The following CTTN variants were observed in gnomAD, a reference collection of about 807,000 sequenced individuals.
CTTN encodes the protein cortactin.
A neutral mutation model predicts 84.0 loss-of-function variants in CTTN; 28 were observed. The observed-to-expected ratio is 0.33, with a 90% CI of 0.25 to 0.46. The LOEUF is 0.46. Among genes scored for constraint, CTTN ranks in the 20% least tolerant of loss-of-function variants. The pLI is 1.00. For synonymous variants in CTTN, 301 were observed against 288.8 expected (o/e 1.04, Z -0.43); for missense variants, 641 against 723.8 (o/e 0.89, Z 1.31).
chr11:70,407,084 G>C (rs139626428), intron 2 of CTTN, among the ~76,000 whole-genome samples: 1 of 152,082 alleles, frequency 6.6e-6, no homozygotes, highest in Non-Finnish European at 1.5e-5. Context: ...TATTTCTGAC[G>C]TCAGGTGACG....
At chr11:70,421,377 C>T (rs1406389211) in intron 10 of CTTN, 93 bp from the exon 11 acceptor site, 10 of 905,874 alleles carry the variant, frequency 1.1e-5, no homozygotes, top group Admixed American at 3.5e-5. Context: ...TTTCTGGAAA[C>T]TGTGTTTGAT....
Position 70,435,693 on chromosome 11 carries a change from A to G in CTTN, c.*531A>G, listed in dbSNP as rs2058410444. The G allele has an allele frequency of 1.3e-6, 2 of 1,597,684 alleles. No homozygotes were observed. Among genetic ancestry groups the G allele is most frequent in the East Asian group, 2.2e-5 (1 of 44,874 alleles). On this transcript the variant is annotated 3_prime_UTR_variant, in exon 18 of 18. Transcript: ENST00000301843. ...AGTCACCCAGAGCACAGGAGCTGCC[A>G]TGTCAGATGGGAAATCTGCCTATGT...
In CTTN at chr11:70,429,397, G is replaced by A. The variant is rs2058331244; in HGVS notation, c.1176+198G>A. Among the ~76,000 whole-genome samples the A allele has an allele frequency of 3.3e-5, 5 of 152,294 alleles. No homozygotes were observed. In the South Asian group the frequency reaches 8.3e-4, roughly 25 times the overall value. On this transcript the variant is annotated intron_variant, in intron 14 of 17. Coordinates refer to ENST00000301843, the MANE Select transcript of CTTN (RefSeq NM_005231.4). ...CATAGGCTGAGTCTCTGGCCACAATGCTCCAGGCAGCCGGCTAGCGCTATC... is the reference window on the plus strand; with the variant it reads ...CATAGGCTGAGTCTCTGGCCACAATACTCCAGGCAGCCGGCTAGCGCTATC...
In CTTN at chr11:70,435,267, T is replaced by G. The variant is rs1327651801; in HGVS notation, c.*105T>G. On this transcript the variant is annotated 3_prime_UTR_variant, in exon 18 of 18. Coordinates refer to ENST00000301843, the MANE Select transcript of CTTN (RefSeq NM_005231.4). ...GGGTTTTTTCTGTTTTTTTTTTTTT[T>G]TTTTTTTTTTTGAAGGTGGGGAGGG... is the stretch of plus-strand genomic sequence containing the variant. 3.2e-5 allele frequency: 45 copies of G among 1,390,956 alleles called. No homozygotes were observed. In the African/African-American group the frequency reaches 5.9e-4, roughly 18 times the overall value. 86.2% of individuals were successfully genotyped at this position (1,390,956 alleles called of 1,614,324 possible).
intron 5 of CTTN, among the ~76,000 whole-genome samples, chr11:70,413,027 G>A (rs1056594393): frequency 4.6e-5 from 7 of 152,322 alleles, no homozygotes; most frequent in Admixed American, 1.3e-4. Flanking sequence ...ACACGGATGG[G>A]CAGTCTCTGC....
chr11:70,435,679 G>A lies in CTTN; in HGVS notation c.*517G>A, dbSNP rs1948471258. 6.3e-7 allele frequency: 1 copy of A among 1,597,426 alleles called. No individual in the cohort carries two copies. Among genetic ancestry groups the A allele is most frequent in the Non-Finnish European group, 8.5e-7 (1 of 1,179,454 alleles). On this transcript the variant is annotated 3_prime_UTR_variant, in exon 18 of 18. Coordinates refer to ENST00000301843, the MANE Select transcript of CTTN (RefSeq NM_005231.4). ...TTAACCCGGAGCTAAGTCACCCAGA[G>A]CACAGGAGCTGCCATGTCAGATGGG...
At chr11:70,422,821 G>A (rs976492477) in intron 11 of CTTN, 119 bp from the exon 12 acceptor site, 25 of 1,544,290 alleles carry the variant, frequency 1.6e-5, no homozygotes, top group South Asian at 2.4e-5. Context: ...GGCCATTCTC[G>A]TTTCTTCCCG....
intron 15 of CTTN, among the ~76,000 whole-genome samples, chr11:70,431,509 C>T (rs2058353870): frequency 6.6e-6 from 1 of 152,106 alleles, no homozygotes; most frequent in Non-Finnish European, 1.5e-5. Flanking sequence ...TCCTTTCACC[C>T]CTCTGCAGCC....
rs1194823795 is a variant in CTTN, at chr11:70,407,572, G to A, written c.142G>A (p.Gly48Arg). 10 of 1,612,534 alleles carry A rather than the reference G, an allele frequency of 6.2e-6. No homozygotes were observed. Among genetic ancestry groups the A allele is most frequent in the Non-Finnish European group, 5.9e-6 (7 of 1,179,530 alleles). The stretch of plus-strand genomic sequence containing the variant: ...GGGTGCCAAGACGGTGCAGGGCTCC[G>A]GGCACCAGGAGCATATCAAGTAAGA... The part of the protein sequence containing the change: ...RWGAKTVQGS[G>R]HQEHINIHKL... The change falls in exon 4 of 18, where the codon GGG becomes AGG. Residue 48 changes from glycine to arginine, a missense_variant. By Grantham distance (125) the Gly-to-Arg change is moderately radical. This residue lies in a region of CTTN where 284 missense variants were observed against 348.4 expected (regional missense o/e 0.82). Coordinates refer to ENST00000301843, the MANE Select transcript of CTTN (RefSeq NM_005231.4).
chr11:70,401,977 C>A (rs1367096077), intron 1 of CTTN, among the ~76,000 whole-genome samples: 1 of 151,834 alleles, frequency 6.6e-6, no homozygotes, highest in Non-Finnish European at 1.5e-5. Context: ...CATAATGAAA[C>A]CCCATCTCTA....
intron 4 of CTTN, among the ~76,000 whole-genome samples, chr11:70,408,529 C>G (rs2058068070): frequency 6.6e-6 from 1 of 152,096 alleles, no homozygotes; most frequent in African/African-American, 2.4e-5. Flanking sequence ...TCCTGAGTAG[C>G]TGGAACCATG....
chr11:70,410,237 A>C (rs2058083633), intron 5 of CTTN: 3 of 359,840 alleles, frequency 8.3e-6, no homozygotes, highest in Non-Finnish European at 1.6e-5. Context: ...GCCTTGTGAT[A>C]GGACAGAAGT....
rs1417283293 is a variant in CTTN, at chr11:70,405,010, AC to A, written c.-97-254del. 3.9e-5 allele frequency among the ~76,000 whole-genome samples: 6 copies of A among 152,240 alleles called. No individual in the cohort carries two copies. In the East Asian group the frequency reaches 7.7e-4, roughly 20 times the overall value. On this transcript the variant is annotated intron_variant, in intron 1 of 17. Coordinates refer to ENST00000301843, the MANE Select transcript of CTTN (RefSeq NM_005231.4). ...AGAGTGAAACTCCATCTCAAAAAAA[AC>A]AAAACAAAAAAGACAAAAAGTCATC...
intron 2 of CTTN, among the ~76,000 whole-genome samples, chr11:70,406,484 C>G (rs1156288944): frequency 6.7e-6 from 1 of 148,456 alleles, no homozygotes; most frequent in African/African-American, 2.5e-5. Context: ...ATTACTATTT[C>G]TGTGGAAAAG....
Position 70,409,978 on chromosome 11 carries a change from G to C in CTTN, c.291+18G>C. ...TGGATAAGGTAAGTGGCCCGCGGCTGCCTATGCCAGGCTCCTGGTGTGCTT... is the reference window on the plus strand; with the variant it reads ...TGGATAAGGTAAGTGGCCCGCGGCTCCCTATGCCAGGCTCCTGGTGTGCTT... On this transcript the variant is annotated intron_variant, in intron 5 of 17. Coordinates refer to ENST00000301843, the MANE Select transcript of CTTN (RefSeq NM_005231.4). 1 of 1,613,664 alleles carries C rather than the reference G, an allele frequency of 6.2e-7. No homozygotes were observed. Among genetic ancestry groups the C allele is most frequent in the Non-Finnish European group, 8.5e-7 (1 of 1,179,852 alleles).
chr11:70,430,471 T>C (rs2058342731), intron 14 of CTTN, among the ~76,000 whole-genome samples: 5 of 152,202 alleles, frequency 3.3e-5, no homozygotes, highest in Non-Finnish European at 7.3e-5. Context: ...TCTGCTTTTG[T>C]TGTCACCGCC....
Position 70,417,062 on chromosome 11 carries a change from A to G in CTTN, c.507A>G (p.Val169=). The part of the protein sequence containing the change: ...GGKYGVQADR[V]DKSAVGFDYQ... ...AGTATGGCGTGCAGGCCGACCGAGTAGACAAGAGCGCGGTGGGCTTCGACT... is the reference window on the plus strand; with the variant it reads ...AGTATGGCGTGCAGGCCGACCGAGTGGACAAGAGCGCGGTGGGCTTCGACT... Residue 169 remains valine, a synonymous_variant, in exon 8 of 18, where the codon GTA becomes GTG. Transcript: ENST00000301843. 6.2e-7 allele frequency: 1 copy of G among 1,614,214 alleles called. No individual in the cohort carries two copies. Among genetic ancestry groups the G allele is most frequent in the South Asian group, 1.1e-5 (1 of 91,084 alleles).
intron 1 of CTTN, among the ~76,000 whole-genome samples, chr11:70,403,927 C>T (rs1207833489): frequency 6.6e-6 from 1 of 152,134 alleles, no homozygotes; most frequent in Admixed American, 6.5e-5. Context: ...GTCTCCCAGG[C>T]TGGGGTGCAG....
chr11:70,420,099 C>T (rs1020716704), intron 9 of CTTN: 34 of 598,520 alleles, frequency 5.7e-5, no homozygotes, highest in South Asian at 4.4e-4. Context: ...ACACCCCGCA[C>T]GTCTGTGTTG....
Sources: gnomAD v4.1 joint callset for allele counts (sites outside exome capture counted in the v4.1 genomes callset) on GRCh38, gnomAD v4.1.1 for gene constraint, gnomAD v4.1.1 regional missense constraint, MANE v1.5 for transcripts, NCBI Gene and HGNC (gene_info 2026-07-23, HGNC 2026-07-21) for gene names.